Variants in COL27A1 observed in about 807,000 individuals in gnomAD.
COL27A1 encodes collagen type XXVII alpha 1 chain.
Under a neutral mutation model 251.3 loss-of-function variants are expected in COL27A1, and 106 were observed. The observed-to-expected ratio is 0.42, with a 90% CI of 0.36 to 0.50. The LOEUF is 0.50. Ranked by LOEUF, COL27A1 falls within the 20% of genes least tolerant of loss-of-function variation. The probability of loss-of-function intolerance (pLI) is 0.00; values close to 1 mark genes in which losing one functional copy is unlikely to be tolerated. For synonymous variants in COL27A1, 1,000 were observed against 986.3 expected (o/e 1.01, Z -0.26); for missense variants, 2,325 against 2,522.8 (o/e 0.92, Z 1.68).
chr9:114,276,251 C>T (rs991531550), intron 37 of COL27A1, among the ~76,000 whole-genome samples: 7 of 152,234 alleles, frequency 4.6e-5, no homozygotes, highest in African/African-American at 1.7e-4. Context: ...CATGCATAAC[C>T]TTCAGTGTAT....
At chr9:114,225,931 TAG>T (rs1432496465) in intron 14 of COL27A1, among the ~76,000 whole-genome samples, 1 of 152,100 alleles carries the variant, frequency 6.6e-6, no homozygotes, top group Non-Finnish European at 1.5e-5. Context: ...GGTCACCAGT[TAG>T]AGAGTGGAAG....
Position 114,232,985 on chromosome 9 carries a change from C to T in COL27A1, c.2565+1119C>T, listed in dbSNP as rs575686168. ...ACTTGGGAGGCTGAGGCAGGAGAAT[C>T]GCTTGAACCTGGGAGGCAGAAGTTG... is the stretch of plus-strand genomic sequence containing the variant. On this transcript the variant is annotated intron_variant, in intron 16 of 60. Coordinates refer to ENST00000356083, the MANE Select transcript of COL27A1 (RefSeq NM_032888.4). 4.6e-5 allele frequency among the ~76,000 whole-genome samples: 7 copies of T among 152,326 alleles called. No homozygotes were observed. In the East Asian group the frequency reaches 7.7e-4, roughly 17 times the overall value.
rs1038823440 is a variant in COL27A1 at position 114,202,635 on chromosome 9, G to A, written c.2125-2467G>A. On this transcript the variant is annotated intron_variant, in intron 7 of 60. Coordinates refer to ENST00000356083, the MANE Select transcript of COL27A1 (RefSeq NM_032888.4). ...CTGACCTCCTGCTTCTCCAACCACC[G>A]CCATCCTTCACCCTCTCACCCACTC... Among the ~76,000 whole-genome samples the A allele has an allele frequency of 5.9e-5, 9 of 152,134 alleles. No individual in the cohort carries two copies. The South Asian group carries it at 1.7e-3, about 28-fold the overall frequency.
At position 114,168,545 on chromosome 9, in the gene COL27A1, T is replaced by G. The variant is rs545924047; in HGVS notation, c.990T>G (p.Ser330Arg). Reference sequence around the variant, plus strand: ...TGCTACCTGCCAAGCTGTCAGCCAGTAACGCACTTGATCCCATGCTCCCAG... The same window carrying G: ...TGCTACCTGCCAAGCTGTCAGCCAGGAACGCACTTGATCCCATGCTCCCAG... ...TPLLPAKLSA[S>R]NALDPMLPAS... The change falls in exon 3 of 61, where the codon AGT becomes AGG. Residue 330 changes from serine to arginine, a missense_variant. Around this residue, in one of 4 missense-constraint regions of COL27A1, gnomAD observed 1,183 missense variants for 1,144.1 expected, o/e 1.03. Coordinates refer to ENST00000356083, the MANE Select transcript of COL27A1 (RefSeq NM_032888.4). 16 of 1,613,996 alleles carry G rather than the reference T, an allele frequency of 9.9e-6. No individual in the cohort carries two copies. The South Asian group carries it at 1.4e-4, about 14-fold the overall frequency.
intron 58 of COL27A1, 61 bp downstream of exon 58, chr9:114,306,749 G>A (rs1829081620): frequency 1.3e-6 from 2 of 1,571,576 alleles, no homozygotes; most frequent in Non-Finnish European, 1.7e-6. Context: ...GGCAGGTGGA[G>A]TATTTGATTT....
intron 5 of COL27A1, among the ~76,000 whole-genome samples, chr9:114,193,021 G>GTTATGTGTGTGCGCACGTGT (rs58983237): frequency 6.6e-6 from 1 of 152,236 alleles, no homozygotes; most frequent in African/African-American, 2.4e-5. Context: ...GTGTGCACGT[G>GTTATGTGTGTGCGCACGTGT]TATGTGTGTG....
intron 10 of COL27A1, among the ~76,000 whole-genome samples, chr9:114,208,123 T>G (rs10982102): frequency 0.035 from 5,307 of 152,282 alleles, 104 homozygotes; most frequent in Middle Eastern, 0.061. Flanking sequence ...TGGTCTTACC[T>G]CTACAGGGGG....
rs1833243785 is a variant in COL27A1 at position 114,247,735 on chromosome 9, C to T, written c.2979+1825C>T. On this transcript the variant is annotated intron_variant, in intron 24 of 60. Transcript: ENST00000356083. ...AGGCACATGGAGGTACCATGCCAGC[C>T]GTTCCCTTGGCCCCCACCCCATGTG... Among the ~76,000 whole-genome samples the T allele has an allele frequency of 3.9e-5, 6 of 152,304 alleles. No homozygotes were observed. In the South Asian group the frequency reaches 1.0e-3, roughly 26 times the overall value.
intron 25 of COL27A1, among the ~76,000 whole-genome samples, 164 bp from the exon 26 acceptor site, chr9:114,252,428 TC>T (rs972041170): frequency 1.3e-5 from 2 of 152,134 alleles, no homozygotes; most frequent in African/African-American, 4.8e-5. Context: ...AAATCCCAGA[TC>T]CCCACCTGGG....
chr9:114,182,437 C>T (rs1405877471), intron 4 of COL27A1, among the ~76,000 whole-genome samples: 1 of 151,070 alleles, frequency 6.6e-6, no homozygotes, highest in East Asian at 2.0e-4. Context: ...GGAGATGGCA[C>T]TTTGAGCCAG....
At chr9:114,218,852 G>A (rs1165074948) in intron 12 of COL27A1, among the ~76,000 whole-genome samples, 1 of 152,064 alleles carries the variant, frequency 6.6e-6, no homozygotes, top group Non-Finnish European at 1.5e-5. Flanking sequence ...GACTCCTCCA[G>A]TAGTATTAGA....
chr9:114,267,700 C>T (rs1834841888), intron 34 of COL27A1, 143 bp downstream of exon 34: 1 of 786,206 alleles, frequency 1.3e-6, no homozygotes. Flanking sequence ...GGAGTGGGGC[C>T]TGGTTAGGGC....
chr9:114,221,499 T>C (rs1214141867), intron 13 of COL27A1, among the ~76,000 whole-genome samples: 1 of 152,236 alleles, frequency 6.6e-6, no homozygotes, highest in Non-Finnish European at 1.5e-5. Context: ...TTCTCATTGC[T>C]AATTACAATG....
chr9:114,293,685 C>A (rs776393832), intron 49 of COL27A1, among the ~76,000 whole-genome samples: 1 of 151,882 alleles, frequency 6.6e-6, no homozygotes, highest in Non-Finnish European at 1.5e-5. Flanking sequence ...GATAGGGGAG[C>A]AATGTCACTA....
intron 28 of COL27A1, among the ~76,000 whole-genome samples, chr9:114,262,935 T>A (rs913294134): frequency 9.6e-6 from 1 of 103,856 alleles, no homozygotes; most frequent in African/African-American, 4.1e-5. Context: ...ATTTCCTTGT[T>A]TGATTTTTTT....
intron 4 of COL27A1, 45 bp from the exon 5 acceptor site, chr9:114,182,975 CCT>C (rs775681142): frequency 6.4e-7 from 1 of 1,551,908 alleles, no homozygotes; most frequent in Admixed American, 1.7e-5. Flanking sequence ...CGAGATGGCC[CCT>C]GTTTTTTGTC....
intron 28 of COL27A1, 53 bp from the exon 29 acceptor site, chr9:114,264,302 G>T: frequency 6.9e-7 from 1 of 1,451,614 alleles, no homozygotes; most frequent in Non-Finnish European, 9.3e-7. Context: ...CTGGTTCTCC[G>T]CCCGAGGGAG....
chr9:114,216,821 A>T (rs912842184), intron 12 of COL27A1, among the ~76,000 whole-genome samples: 2 of 152,104 alleles, frequency 1.3e-5, no homozygotes, highest in Non-Finnish European at 1.5e-5. Context: ...AGCGTGTCCA[A>T]GCAGAACCAG....
In COL27A1 at chr9:114,242,790, A is replaced by G. The variant is rs183289320; in HGVS notation, c.2880+559A>G. On this transcript the variant is annotated intron_variant, in intron 22 of 60. Coordinates refer to ENST00000356083, the MANE Select transcript of COL27A1 (RefSeq NM_032888.4). ...TTAGTAATTAAAACCAAGAGACTTT[A>G]AATGTATTTATTCATTCATTGAAGA... Among the ~76,000 whole-genome samples the G allele has an allele frequency of 5.9e-5, 9 of 152,382 alleles. No homozygotes were observed. In the East Asian group the frequency reaches 1.7e-3, roughly 29 times the overall value.
Sources: gnomAD v4.1 joint callset for allele counts (sites outside exome capture counted in the v4.1 genomes callset) on GRCh38, gnomAD v4.1.1 for gene constraint, gnomAD v4.1.1 regional missense constraint, MANE v1.5 for transcripts, NCBI Gene and HGNC (gene_info 2026-07-23, HGNC 2026-07-21) for gene names.